The following GPC6 variants were observed in gnomAD, a reference collection of about 807,000 sequenced individuals.
The protein encoded by GPC6 is glypican-6.
A neutral mutation model predicts 55.2 loss-of-function variants in GPC6; 14 were observed. That is an observed-to-expected ratio of 0.25 (90% CI 0.17 to 0.40). The LOEUF (loss-of-function observed/expected upper bound fraction) is 0.40, where lower values mean the gene tolerates loss of function less well. GPC6 is among the 10% of genes least tolerant of loss of function. The probability of loss-of-function intolerance (pLI) is 1.00; values close to 1 mark genes in which losing one functional copy is unlikely to be tolerated. For missense variants in GPC6, 641 were observed against 708.5 expected, an observed-to-expected ratio of 0.90 and a Z score of 1.08; for synonymous variants, 278 against 259.6, an observed-to-expected ratio of 1.07 and a Z score of -0.68.
intron 3 of GPC6, among the ~76,000 whole-genome samples, chr13:93,831,180 G>A (rs145027290): frequency 6.6e-6 from 1 of 152,208 alleles, no homozygotes; most frequent in East Asian, 1.9e-4. Context: ...ATTGCCTTGG[G>A]CTTATGAATA....
intron 4 of GPC6, among the ~76,000 whole-genome samples, chr13:94,145,137 G>GATGGA (rs1887515743): frequency 2.7e-5 from 4 of 149,878 alleles, no homozygotes; most frequent in African/African-American, 9.8e-5. Flanking sequence ...GGATGGATGG[G>GATGGA]TGGATGGATG....
intron 7 of GPC6, among the ~76,000 whole-genome samples, chr13:94,395,073 C>T (rs1227292780): frequency 6.6e-6 from 1 of 152,194 alleles, no homozygotes; most frequent in African/African-American, 2.4e-5. Flanking sequence ...TCGACCATCA[C>T]CTCTCAGCTC....
chr13:93,348,727 G>T (rs1011487265), intron 1 of GPC6, among the ~76,000 whole-genome samples: 2 of 152,212 alleles, frequency 1.3e-5, no homozygotes, highest in African/African-American at 4.8e-5. Context: ...AAGTTAAGCA[G>T]ATCTCAGTTG....
At chr13:93,648,473 T>C (rs1007429309) in intron 2 of GPC6, among the ~76,000 whole-genome samples, 1 of 152,142 alleles carries the variant, frequency 6.6e-6, no homozygotes, top group African/African-American at 2.4e-5. Flanking sequence ...AATGGGAGAT[T>C]TGTGATCATA....
Position 93,259,747 on chromosome 13 carries a change from T to C in GPC6, c.160+32131T>C, listed in dbSNP as rs1877072772. 2.6e-5 allele frequency among the ~76,000 whole-genome samples: 4 copies of C among 152,210 alleles called. No homozygotes were observed. The South Asian group carries it at 8.3e-4, about 32-fold the overall frequency. ...AGATAGTTGGGTTCCAGAGTATACA[T>C]AGGAGTATAAAATGGATAAGCTGAT... On this transcript the variant is annotated intron_variant, in intron 1 of 8. Transcript: ENST00000377047.
intron 1 of GPC6, among the ~76,000 whole-genome samples, chr13:93,267,652 A>G (rs1877369441): frequency 6.6e-6 from 1 of 152,138 alleles, no homozygotes; most frequent in South Asian, 2.1e-4. Context: ...TCAATGCCTA[A>G]TTTCAGAATT....
intron 1 of GPC6, among the ~76,000 whole-genome samples, chr13:93,362,178 T>G: frequency 6.6e-6 from 1 of 152,332 alleles, no homozygotes; most frequent in Admixed American, 6.5e-5. Context: ...CTTGTGTGCT[T>G]GCTGTGCAAG....
chr13:94,373,703 A>T (rs1879697810), intron 6 of GPC6, among the ~76,000 whole-genome samples: 1 of 152,306 alleles, frequency 6.6e-6, no homozygotes, highest in African/African-American at 2.4e-5. Context: ...ACATTCAGGA[A>T]ATACAGAGAA....
chr13:94,242,947 TA>T (rs563351952), intron 4 of GPC6, among the ~76,000 whole-genome samples: 862 of 138,646 alleles, frequency 6.2e-3, no homozygotes, highest in South Asian at 0.016. Context: ...TAACTAAATC[TA>T]AAAAAAAAAA....
At chr13:93,743,221 A>G (rs1884269141) in intron 2 of GPC6, among the ~76,000 whole-genome samples, 1 of 152,226 alleles carries the variant, frequency 6.6e-6, no homozygotes, top group Non-Finnish European at 1.5e-5. Flanking sequence ...CTGAAAGGTC[A>G]AGTAGACAGG....
At chr13:94,186,523 G>A (rs1889193108) in intron 4 of GPC6, among the ~76,000 whole-genome samples, 1 of 151,954 alleles carries the variant, frequency 6.6e-6, no homozygotes, top group East Asian at 1.9e-4. Context: ...AATAACATAA[G>A]AAGGTTTAGG....
chr13:93,497,428 T>G (rs947461666), intron 1 of GPC6, among the ~76,000 whole-genome samples: 1 of 152,206 alleles, frequency 6.6e-6, no homozygotes. Flanking sequence ...CTTACTGTAT[T>G]TAACTCAAAG....
At chr13:93,424,465 C>T (rs1316785975) in intron 1 of GPC6, among the ~76,000 whole-genome samples, 1 of 152,156 alleles carries the variant, frequency 6.6e-6, no homozygotes, top group Non-Finnish European at 1.5e-5. Context: ...ATCCATTCCT[C>T]CATCCTGATG....
chr13:93,792,397 G>A (rs544549169), intron 2 of GPC6, among the ~76,000 whole-genome samples: 9 of 152,312 alleles, frequency 5.9e-5, no homozygotes, highest in East Asian at 1.9e-4. Context: ...TGCAGCCTCC[G>A]CCTCCCAGGC....
At chr13:93,472,758 C>T (rs1049005228) in intron 1 of GPC6, among the ~76,000 whole-genome samples, 1 of 152,178 alleles carries the variant, frequency 6.6e-6, no homozygotes, top group Non-Finnish European at 1.5e-5. Context: ...GTGTTACAGC[C>T]CTTTTAGCTT....
At chr13:93,649,242 C>G (rs946649135) in intron 2 of GPC6, among the ~76,000 whole-genome samples, 1 of 152,086 alleles carries the variant, frequency 6.6e-6, no homozygotes, top group Non-Finnish European at 1.5e-5. Context: ...CTTGAGCTCA[C>G]GAGTTCGAGA....
intron 4 of GPC6, among the ~76,000 whole-genome samples, chr13:94,219,233 A>G (rs1050125151): frequency 2.0e-5 from 3 of 152,128 alleles, no homozygotes; most frequent in African/African-American, 7.2e-5. Flanking sequence ...TGATGAGAGC[A>G]TTTTCTAGTT....
intron 2 of GPC6, among the ~76,000 whole-genome samples, chr13:93,667,489 G>A (rs563865745): frequency 1.3e-5 from 2 of 151,144 alleles, no homozygotes; most frequent in Admixed American, 1.3e-4. Flanking sequence ...GTGGAGTGCA[G>A]TGGCAAGAAC....
intron 1 of GPC6, among the ~76,000 whole-genome samples, chr13:93,523,008 A>G (rs1297021414): frequency 1.2e-5 from 1 of 83,878 alleles, no homozygotes. Flanking sequence ...AGAAAGAGGG[A>G]AAAAATATAT....
Sources: allele counts gnomAD v4.1 joint callset (sites outside exome capture counted in the v4.1 genomes callset), GRCh38; gene constraint gnomAD v4.1.1; transcripts MANE v1.5; gene names NCBI Gene and HGNC (gene_info 2026-07-23, HGNC 2026-07-21).